The following DGKK variants were observed in gnomAD, a reference collection of about 807,000 sequenced individuals.
DGKK encodes the protein 142 kDa diacylglycerol kinase.
DGKK carries 35 observed loss-of-function variants against 92.2 expected under a neutral mutation model. That is an observed-to-expected ratio of 0.38 (90% CI 0.29 to 0.50). The LOEUF is 0.50. Ranked by LOEUF, DGKK falls within the 20% of genes least tolerant of loss-of-function variation. The probability of loss-of-function intolerance (pLI) is 0.92; values close to 1 mark genes in which losing one functional copy is unlikely to be tolerated. For synonymous variants in DGKK, 368 were observed against 360.6 expected (o/e 1.02, Z -0.23); for missense variants, 910 against 992.2 (o/e 0.92, Z 1.11).
chrX:50,444,199 A>G (rs1926234059), intron 1 of DGKK, among the ~76,000 whole-genome samples: 2 of 111,811 alleles, frequency 1.8e-5, no homozygotes, highest in Non-Finnish European at 3.8e-5. Context: ...GCTGGGTCAT[A>G]TGGTACATCC....
chrX:50,411,629 A>G (rs1925308385), intron 4 of DGKK, among the ~76,000 whole-genome samples: 1 of 112,334 alleles, frequency 8.9e-6, no homozygotes, highest in Non-Finnish European at 1.9e-5. Context: ...AAATAGTAAA[A>G]TGTTGAAAGC....
Position 50,384,791 on chromosome X carries a change from A to G in DGKK, c.2381T>C (p.Val794Ala). The change falls in exon 16 of 28, where the codon GTT becomes GCT. Residue 794 changes from valine to alanine, a missense_variant. Physicochemically the swap from Val to Ala is moderately conservative, Grantham distance 64. Transcript: ENST00000611977. ...GAAGAAAGTTGAACTAAAGTTCTTA[A>G]CAGATATTGTCTGTCTGCTTTCCTC... is the stretch of plus-strand genomic sequence containing the variant. ...LDEESRQTIS[V>A]KNFSSTFFLE... The G allele has an allele frequency of 8.3e-7, 1 of 1,210,317 alleles. No homozygotes were observed.
In DGKK at chrX:50,462,104, C is replaced by G. The variant is rs139068746; in HGVS notation, c.645+7930G>C. 2.7e-5 allele frequency among the ~76,000 whole-genome samples: 3 copies of G among 111,433 alleles called. No individual in the cohort carries two copies. In the East Asian group the frequency reaches 8.5e-4, roughly 31 times the overall value. On this transcript the variant is annotated intron_variant, in intron 1 of 27. Coordinates refer to ENST00000611977, the MANE Select transcript of DGKK (RefSeq NM_001013742.4). ...TGGGAACAATGACGCAGCGAATTCC[C>G]AAATCATTTGTTCGGTTTGGAAAAG... is the stretch of plus-strand genomic sequence containing the variant.
intron 1 of DGKK, among the ~76,000 whole-genome samples, chrX:50,468,008 A>T (rs949089577): frequency 8.9e-6 from 1 of 112,173 alleles, no homozygotes; most frequent in Non-Finnish European, 1.9e-5. Context: ...TACTAAGGGC[A>T]AAGTCAAACC....
intron 1 of DGKK, among the ~76,000 whole-genome samples, chrX:50,468,702 A>T (rs1926972160): frequency 1.8e-5 from 2 of 110,920 alleles, no homozygotes; most frequent in Admixed American, 9.5e-5. Flanking sequence ...GAAGCAACCA[A>T]TGCTTCCATT....
intron 1 of DGKK, among the ~76,000 whole-genome samples, chrX:50,429,978 T>C: frequency 8.9e-6 from 1 of 112,388 alleles, no homozygotes; most frequent in Non-Finnish European, 1.9e-5. Context: ...TTCTGTCCTA[T>C]GAAAGACACC....
intron 27 of DGKK, 39 bp downstream of exon 27, chrX:50,370,387 G>A: frequency 8.6e-7 from 1 of 1,166,584 alleles, no homozygotes; most frequent in Non-Finnish European, 1.1e-6. Flanking sequence ...GCTGTTGGGG[G>A]AAGTCTTCAT....
chrX:50,434,593 A>G (rs1372798885), intron 1 of DGKK, among the ~76,000 whole-genome samples: 2 of 110,843 alleles, frequency 1.8e-5, no homozygotes, highest in African/African-American at 3.3e-5. Context: ...AGGAAAAGCC[A>G]TGGACCAGTG....
At position 50,388,574 on chromosome X, in the gene DGKK, G is replaced by C; in HGVS notation, c.1971C>G (p.Asn657Lys). 8.3e-7 allele frequency: 1 copy of C among 1,208,574 alleles called. No homozygotes were observed. Among genetic ancestry groups the C allele is most frequent in the Non-Finnish European group, 1.1e-6 (1 of 893,950 alleles). ...QHLESAATELNKILKAKYPTE... is the reference protein window; with the variant it reads ...QHLESAATELKKILKAKYPTE... ...TGGGGTACTTGGCCTTCAGGATTTT[G>C]TTCAACTCGGTGGCTGCAGATTCTA... The change falls in exon 13 of 28, where the codon AAC becomes AAG. Residue 657 changes from asparagine to lysine, a missense_variant. Asn to Lys is a moderately conservative substitution (Grantham distance 94). Coordinates refer to ENST00000611977, the MANE Select transcript of DGKK (RefSeq NM_001013742.4).
chrX:50,408,522 G>A (rs1557227518), intron 4 of DGKK, among the ~76,000 whole-genome samples: 3 of 110,704 alleles, frequency 2.7e-5, no homozygotes, highest in Admixed American at 9.5e-5. Context: ...GGGACTACAG[G>A]CGCCCGCCAC....
intron 17 of DGKK, among the ~76,000 whole-genome samples, 155 bp from the exon 18 acceptor site, chrX:50,382,758 G>T: frequency 8.9e-6 from 1 of 111,808 alleles, no homozygotes; most frequent in East Asian, 2.8e-4. Context: ...GGCACATGTA[G>T]ATATCCTTTT....
At chrX:50,413,426 C>T (rs1330057415) in intron 4 of DGKK, among the ~76,000 whole-genome samples, 2 of 111,899 alleles carry the variant, frequency 1.8e-5, no homozygotes, top group Non-Finnish European at 3.8e-5. Flanking sequence ...AAAGACAACC[C>T]ACAGAGTGGA....
chrX:50,468,690 A>C (rs1557234217), intron 1 of DGKK, among the ~76,000 whole-genome samples: 1 of 111,427 alleles, frequency 9.0e-6, no homozygotes, highest in Non-Finnish European at 1.9e-5. Context: ...CTAAGAACTC[A>C]GGAAGCAACC....
intron 1 of DGKK, among the ~76,000 whole-genome samples, chrX:50,455,545 G>A (rs1429481305): frequency 9.0e-6 from 1 of 111,469 alleles, no homozygotes; most frequent in African/African-American, 3.3e-5. Flanking sequence ...TTCATTACTA[G>A]TTTCCCTAAG....
intron 26 of DGKK, among the ~76,000 whole-genome samples, chrX:50,371,326 G>A (rs1336526078): frequency 8.9e-6 from 1 of 112,207 alleles, no homozygotes; most frequent in African/African-American, 3.2e-5. Context: ...GGTATTGGCT[G>A]TAAACTGGCA....
At position 50,422,535 on chromosome X, in the gene DGKK, A is replaced by T. The variant is rs1224818484; in HGVS notation, c.757-9T>A. 3 of 1,195,004 alleles carry T rather than the reference A, an allele frequency of 2.5e-6. No homozygotes were observed. In the African/African-American group the frequency reaches 5.3e-5, roughly 21 times the overall value. ...GTTTCAAAGTGTGCAAACTGGAAAG[A>T]TATAAGACAGAGAGGGACAAGGAAC... On this transcript the variant is annotated splice_polypyrimidine_tract_variant and intron_variant, in intron 2 of 27. Coordinates refer to ENST00000611977, the MANE Select transcript of DGKK (RefSeq NM_001013742.4).
chrX:50,463,657 C>A (rs983031234), intron 1 of DGKK, among the ~76,000 whole-genome samples: 30 of 108,336 alleles, frequency 2.8e-4, no homozygotes, highest in Non-Finnish European at 2.3e-4. Context: ...TTCTTTCTCC[C>A]TCTCTCCTTC....
intron 1 of DGKK, among the ~76,000 whole-genome samples, chrX:50,447,368 A>T (rs1222570046): frequency 1.6e-4 from 2 of 12,878 alleles, no homozygotes; most frequent in African/African-American, 1.9e-3. Flanking sequence ...ATATATATAT[A>T]TTATATATAT....
rs1462396225 is a variant in DGKK at position 50,409,332 on chromosome X, AAT to A, written c.943-5150_943-5149del. Among the ~76,000 whole-genome samples the A allele has an allele frequency of 6.3e-5, 7 of 110,298 alleles. 1 individual carries two copies. Among genetic ancestry groups the A allele is most frequent in the African/African-American group, 2.0e-4 (6 of 30,362 alleles). The stretch of plus-strand genomic sequence containing the variant: ...TAGGAAGAAGCCAAAAAAAAAAAAA[AAT>A]CCTCCCCTAAATCTTACAGAGAGAT... On this transcript the variant is annotated intron_variant, in intron 4 of 27. Coordinates refer to ENST00000611977, the MANE Select transcript of DGKK (RefSeq NM_001013742.4).
Sources: gnomAD v4.1 joint callset for allele counts (sites outside exome capture counted in the v4.1 genomes callset) on GRCh38, gnomAD v4.1.1 for gene constraint, MANE v1.5 for transcripts, NCBI Gene and HGNC (gene_info 2026-07-23, HGNC 2026-07-21) for gene names.